The following SPAG16 variants were observed in gnomAD, a reference collection of about 807,000 sequenced individuals.
SPAG16 encodes sperm associated antigen 16.
SPAG16 carries 86 observed loss-of-function variants against 80.4 expected under a neutral mutation model. That is an observed-to-expected ratio of 1.07 (90% CI 0.90 to 1.28). The LOEUF (loss-of-function observed/expected upper bound fraction) is 1.28. Among genes scored for constraint, SPAG16 ranks in the 50% most tolerant of loss-of-function variants. SPAG16 has a pLI of 0.00. For missense variants in SPAG16, 870 were observed against 765.3 expected, an observed-to-expected ratio of 1.14 and a Z score of -1.61; for synonymous variants, 294 against 265.9, an observed-to-expected ratio of 1.11 and a Z score of -1.03.
intron 9 of SPAG16, among the ~76,000 whole-genome samples, chr2:213,446,421 G>A (rs545073526): frequency 6.6e-6 from 1 of 152,328 alleles, no homozygotes; most frequent in Admixed American, 6.5e-5. Flanking sequence ...AAATGAAAAA[G>A]TCACTACAGG....
intron 15 of SPAG16, among the ~76,000 whole-genome samples, chr2:214,361,827 G>T (rs1699203340): frequency 6.6e-6 from 1 of 151,886 alleles, no homozygotes; most frequent in African/African-American, 2.4e-5. Context: ...CAATCATTTT[G>T]CACAGCATTC....
At chr2:214,187,008 C>T (rs2057500321) in intron 15 of SPAG16, among the ~76,000 whole-genome samples, 1 of 152,118 alleles carries the variant, frequency 6.6e-6, no homozygotes, top group Non-Finnish European at 1.5e-5. Context: ...AGGTGATCCA[C>T]CCACCTTGGC....
At chr2:213,483,270 A>T (rs1024006773) in intron 9 of SPAG16, among the ~76,000 whole-genome samples, 1 of 152,188 alleles carries the variant, frequency 6.6e-6, no homozygotes, top group African/African-American at 2.4e-5. Flanking sequence ...TTATATGTAG[A>T]TCTTAGCAAA....
chr2:213,336,209 C>T (rs1419085441), intron 5 of SPAG16, among the ~76,000 whole-genome samples: 1 of 152,208 alleles, frequency 6.6e-6, no homozygotes, highest in East Asian at 1.9e-4. Context: ...CCCTTGCGAG[C>T]CCACGCCACC....
intron 10 of SPAG16, among the ~76,000 whole-genome samples, chr2:213,611,585 A>C (rs1181051050): frequency 2.0e-5 from 3 of 152,130 alleles, no homozygotes; most frequent in Non-Finnish European, 4.4e-5. Flanking sequence ...TATTTTATTT[A>C]CTCACAGATA....
chr2:213,897,865 A>G (rs2106110811), intron 11 of SPAG16, among the ~76,000 whole-genome samples: 1 of 152,344 alleles, frequency 6.6e-6, no homozygotes, highest in Admixed American at 6.5e-5. Flanking sequence ...ACTTCCTGGA[A>G]GATGAAAACA....
intron 10 of SPAG16, among the ~76,000 whole-genome samples, chr2:213,676,360 T>A (rs2064075092): frequency 6.6e-6 from 1 of 151,722 alleles, no homozygotes; most frequent in South Asian, 2.1e-4. Flanking sequence ...TTTTCCTAAT[T>A]GAATACCCTT....
At chr2:213,730,517 C>T (rs2066982983) in intron 10 of SPAG16, among the ~76,000 whole-genome samples, 2 of 152,280 alleles carry the variant, frequency 1.3e-5, no homozygotes, top group Middle Eastern at 3.4e-3. Flanking sequence ...TAACTCACTT[C>T]ACTCTCTTGT....
intron 15 of SPAG16, among the ~76,000 whole-genome samples, chr2:214,175,233 A>G (rs1047496063): frequency 9.7e-6 from 1 of 103,614 alleles, no homozygotes; most frequent in African/African-American, 3.0e-5. Context: ...GTATATATAT[A>G]TATAAAGAAA....
chr2:213,944,892 G>A (rs1402025974), intron 12 of SPAG16, among the ~76,000 whole-genome samples: 3 of 151,988 alleles, frequency 2.0e-5, no homozygotes, highest in Non-Finnish European at 4.4e-5. Flanking sequence ...AAATAAATTA[G>A]CCGGGCGTGG....
intron 9 of SPAG16, among the ~76,000 whole-genome samples, chr2:213,391,829 T>A: frequency 6.6e-6 from 1 of 152,216 alleles, no homozygotes; most frequent in East Asian, 1.9e-4. Flanking sequence ...AATTTACCAG[T>A]AGTTTTCCCT....
rs1440076207 is a variant in SPAG16, at chr2:214,149,677, T to C, written c.1720+411T>C. On this transcript the variant is annotated intron_variant, in intron 15 of 15. Transcript: ENST00000331683. ...TATTTTTAGTGTAATAATTTAATGT[T>C]AAAAATTTAATGAATTACCCCATAT... is the stretch of plus-strand genomic sequence containing the variant. 2.0e-5 allele frequency among the ~76,000 whole-genome samples: 3 copies of C among 152,136 alleles called. No individual in the cohort carries two copies. The East Asian group carries it at 5.8e-4, about 29-fold the overall frequency.
intron 13 of SPAG16, among the ~76,000 whole-genome samples, chr2:214,039,239 C>T (rs1268846200): frequency 6.6e-6 from 1 of 152,154 alleles, no homozygotes; most frequent in Non-Finnish European, 1.5e-5. Flanking sequence ...GCCATTCTAA[C>T]TGGTGTGAGA....
chr2:214,059,339 T>C (rs2050139102), intron 13 of SPAG16, among the ~76,000 whole-genome samples: 1 of 149,836 alleles, frequency 6.7e-6, no homozygotes, highest in Non-Finnish European at 1.5e-5. Context: ...TTTTTTCAGT[T>C]AGTGGATTAT....
At chr2:214,247,749 G>A (rs1209649815) in intron 15 of SPAG16, among the ~76,000 whole-genome samples, 1 of 152,022 alleles carries the variant, frequency 6.6e-6, no homozygotes, top group Non-Finnish European at 1.5e-5. Context: ...AAATCAACGA[G>A]ATCCAGGCAT....
chr2:214,299,535 C>T (rs1694400063), intron 15 of SPAG16, among the ~76,000 whole-genome samples: 2 of 152,070 alleles, frequency 1.3e-5, no homozygotes, highest in Admixed American at 1.3e-4. Flanking sequence ...GCATGAGCCA[C>T]CGTGCCCAGC....
intron 5 of SPAG16, among the ~76,000 whole-genome samples, chr2:213,334,603 T>A (rs2064261927): frequency 6.6e-6 from 1 of 152,162 alleles, no homozygotes; most frequent in Non-Finnish European, 1.5e-5. Context: ...AGTACATATA[T>A]GTAATGGAGA....
rs1273007183 is a variant in SPAG16, at chr2:214,192,057, C to T, written c.1720+42791C>T. Among the ~76,000 whole-genome samples the T allele has an allele frequency of 2.6e-5, 4 of 151,820 alleles. No homozygotes were observed. In the East Asian group the frequency reaches 7.7e-4, roughly 29 times the overall value. The stretch of plus-strand genomic sequence containing the variant: ...TAAATAAATATTGCTCTAAGAGAAG[C>T]TAAAGAGTTTACCACAAAGGTTGAA... On this transcript the variant is annotated intron_variant, in intron 15 of 15. Coordinates refer to ENST00000331683, the MANE Select transcript of SPAG16 (RefSeq NM_024532.5).
At chr2:213,701,893 C>T (rs1259030983) in intron 10 of SPAG16, among the ~76,000 whole-genome samples, 1 of 151,910 alleles carries the variant, frequency 6.6e-6, no homozygotes, top group Non-Finnish European at 1.5e-5. Flanking sequence ...GTGTCTAGCT[C>T]AAGGTTTGTA....
Sources: allele counts gnomAD v4.1 joint callset (sites outside exome capture counted in the v4.1 genomes callset), GRCh38; gene constraint gnomAD v4.1.1; transcripts MANE v1.5; gene names NCBI Gene and HGNC (gene_info 2026-07-23, HGNC 2026-07-21).